REN: variants seen among roughly 807,000 people sequenced by gnomAD.
REN encodes angiotensin-forming enzyme.
REN carries 42 observed loss-of-function variants against 48.6 expected under a neutral mutation model. The ratio of observed to expected loss-of-function variants is 0.86; its 90% CI spans 0.68 to 1.12. The LOEUF is 1.12. Among genes scored for constraint, REN ranks in the 50% most tolerant of loss-of-function variants. The pLI is 0.00. For synonymous variants in REN, 196 were observed against 204.6 expected, an observed-to-expected ratio of 0.96 and a Z score of 0.36; for missense variants, 443 against 527.3, an observed-to-expected ratio of 0.84 and a Z score of 1.57.
rs3795574 is a variant in REN at position 204,156,144 on chromosome 1, C to A, written c.960+34G>T. 0.15 allele frequency: 237,627 copies of A among 1,613,682 alleles called. 20,699 individuals are homozygous for A. Among genetic ancestry groups the A allele is most frequent in the African/African-American group, 0.41 (30,588 of 74,932 alleles). On this transcript the variant is annotated intron_variant, in intron 8 of 9. Transcript: ENST00000272190. This position sits in a 1 kb window ranked among gnomAD's most constrained non-coding sequence, Gnocchi z 4.2. ...GAGCCGATACCAGGTGGCGCTCCCCCCACCCACAGCACCTTCCCTCTTTGG... is the reference window on the plus strand; with the variant it reads ...GAGCCGATACCAGGTGGCGCTCCCCACACCCACAGCACCTTCCCTCTTTGG...
At chr1:204,161,592 TC>T (rs1322898208) in intron 2 of REN, among the ~76,000 whole-genome samples, 177 bp from the exon 3 acceptor site, 1 of 151,914 alleles carries the variant, frequency 6.6e-6, no homozygotes, top group Non-Finnish European at 1.5e-5. Context: ...CCCCATGGCA[TC>T]CCAGAAAGTG....
intron 3 of REN, 33 bp downstream of exon 3, chr1:204,161,259 T>G: frequency 6.4e-7 from 1 of 1,564,428 alleles, no homozygotes; most frequent in Non-Finnish European, 8.7e-7. Flanking sequence ...GGCAGGGGGA[T>G]GGAGGAGAGG....
rs1277536277 is a variant in REN, at chr1:204,155,904, A to G, written c.975T>C (p.Cys325=). The G allele has an allele frequency of 6.2e-7, 1 of 1,613,444 alleles. No individual in the cohort carries two copies. The highest frequency in any genetic ancestry group is 1.7e-5 in the Admixed American group (1 of 59,984). Residue 325 remains cysteine (C), a synonymous_variant, in exon 9 of 10, where the codon TGT becomes TGC. Transcript: ENST00000272190. ...TGTCGGGGAGTGTAGGGCCCTCGTT[A>G]CACTTCACGACATACTGGGGTGGGG... is the stretch of plus-strand genomic sequence containing the variant. ...KKRLFDYVVK[C]NEGPTLPDIS...
chr1:204,160,715 TG>T, intron 3 of REN, 37 bp from the exon 4 acceptor site: 1 of 1,493,732 alleles, frequency 6.7e-7, no homozygotes, highest in Non-Finnish European at 9.3e-7. Context: ...TGTCCAAGAG[TG>T]GCCCAGACAG....
chr1:204,161,744 C>T (rs975263233), intron 2 of REN, among the ~76,000 whole-genome samples: 4 of 152,118 alleles, frequency 2.6e-5, no homozygotes, highest in Admixed American at 1.3e-4. Flanking sequence ...CTGAGTCACA[C>T]ACCCCTTCCC....
Position 204,156,568 on chromosome 1 carries a change from G to T in REN, c.818+109C>A, listed in dbSNP as rs1474842866. ...CAAATGGTGGCTGTGCTTAAGAAGT[G>T]GCTGCATTTGGAAAGAGGGCAGGAT... On this transcript the variant is annotated intron_variant, in intron 7 of 9. Transcript: ENST00000272190. The surrounding 1 kb of genome is among the most constrained non-coding windows in gnomAD (Gnocchi z 4.2). 6.7e-7 allele frequency: 1 copy of T among 1,494,238 alleles called. No individual in the cohort carries two copies. Among genetic ancestry groups the T allele is most frequent in the Non-Finnish European group, 9.3e-7 (1 of 1,074,956 alleles). The allele number at this position is 1,494,238 out of a possible 1,614,324, so 92.6% of individuals were successfully genotyped here.
intron 3 of REN, 92 bp from the exon 4 acceptor site, chr1:204,160,770 T>G: frequency 1.1e-6 from 1 of 901,280 alleles, no homozygotes; most frequent in South Asian, 1.3e-5. Context: ...GCTGGTTAGC[T>G]TAGGTGCAGG....
chr1:204,164,251 A>G lies in REN; in HGVS notation c.98+1945T>C, dbSNP rs552971968. 3.3e-5 allele frequency among the ~76,000 whole-genome samples: 5 copies of G among 152,330 alleles called. No homozygotes were observed. In the East Asian group the frequency reaches 9.6e-4, roughly 29 times the overall value. On this transcript the variant is annotated intron_variant, in intron 1 of 9. Transcript: ENST00000272190. ...AGCAATTACTCTCCGAGAGCCTCAGAGCAAGGGAAAGCAGTTTCGGAAGCA... is the reference window on the plus strand; with the variant it reads ...AGCAATTACTCTCCGAGAGCCTCAGGGCAAGGGAAAGCAGTTTCGGAAGCA...
intron 1 of REN, among the ~76,000 whole-genome samples, chr1:204,163,693 C>T (rs1180880683): frequency 6.6e-6 from 1 of 152,202 alleles, no homozygotes; most frequent in Non-Finnish European, 1.5e-5. Context: ...TTCCCGTGGG[C>T]CTCAGCTCTG....
Position 204,159,563 on chromosome 1 carries a change from T to A in REN, c.525A>T (p.Gly175=). 1 of 1,614,058 alleles carries A rather than the reference T, an allele frequency of 6.2e-7. No homozygotes were observed. Among genetic ancestry groups the A allele is most frequent in the Non-Finnish European group, 8.5e-7 (1 of 1,180,012 alleles). The change falls in exon 5 of 10, where the codon GGA becomes GGT. Residue 175 remains glycine (G), a synonymous_variant. Coordinates refer to ENST00000272190, the MANE Select transcript of REN (RefSeq NM_000537.4). ...VGGITVTQMF[G]EVTEMPALPF... ...GTAAGGCGGGCATCTCCGTGACCTC[T>A]CCAAACATCTGTGTCACCGTGATTC...
chr1:204,160,064 A>C (rs1297835134), intron 4 of REN, among the ~76,000 whole-genome samples: 1 of 152,176 alleles, frequency 6.6e-6, no homozygotes, highest in East Asian at 1.9e-4. Context: ...CCCCTCCCCT[A>C]ACTCTGATGG....
chr1:204,164,599 C>T (rs948440251), intron 1 of REN, among the ~76,000 whole-genome samples: 6 of 105,874 alleles, frequency 5.7e-5, no homozygotes, highest in Admixed American at 4.0e-4. Flanking sequence ...TACATAAGGT[C>T]TGGCTCTATC....
At position 204,157,472 on chromosome 1, in the gene REN, A is replaced by G; in HGVS notation, c.690-103T>C. Reference sequence around the variant, plus strand: ...GTGTTATGTACTCTCTTTGCCCTTCAGGCAATGGAGTCACCAAGAGGCGAA... The same window carrying G: ...GTGTTATGTACTCTCTTTGCCCTTCGGGCAATGGAGTCACCAAGAGGCGAA... On this transcript the variant is annotated intron_variant, in intron 5 of 9. Transcript: ENST00000272190. The G allele has an allele frequency of 4.6e-6, 7 of 1,511,786 alleles. No individual in the cohort carries two copies. The South Asian group carries it at 7.9e-5, about 17-fold the overall frequency. 93.6% of individuals were successfully genotyped at this position (1,511,786 alleles called of 1,614,324 possible).
Position 204,157,487 on chromosome 1 carries a change from C to T in REN, c.690-118G>A, listed in dbSNP as rs1658170660. On this transcript the variant is annotated intron_variant, in intron 5 of 9. Coordinates refer to ENST00000272190, the MANE Select transcript of REN (RefSeq NM_000537.4). ...TTTGCCCTTCAGGCAATGGAGTCACCAAGAGGCGAAGTCACTTGCCTGAAG... is the reference window on the plus strand; with the variant it reads ...TTTGCCCTTCAGGCAATGGAGTCACTAAGAGGCGAAGTCACTTGCCTGAAG... The T allele has an allele frequency of 9.7e-6, 14 of 1,442,078 alleles. No homozygotes were observed. The South Asian group carries it at 1.5e-4, about 15-fold the overall frequency. 89.3% of individuals were successfully genotyped at this position (1,442,078 alleles called of 1,614,324 possible).
At chr1:204,159,644 G>T in intron 4 of REN, 49 bp from the exon 5 acceptor site, 1 of 1,563,536 alleles carries the variant, frequency 6.4e-7, no homozygotes, top group Non-Finnish European at 8.8e-7. Flanking sequence ...CCACTCCTTG[G>T]TTGGAGTCTG....
At chr1:204,159,970 C>A (rs968213954) in intron 4 of REN, among the ~76,000 whole-genome samples, 1 of 152,180 alleles carries the variant, frequency 6.6e-6, no homozygotes, top group African/African-American at 2.4e-5. Flanking sequence ...ACAAGCTTGC[C>A]CTTCTCCCTC....
In REN at chr1:204,155,903, T is replaced by C. The variant is rs758396335; in HGVS notation, c.976A>G (p.Asn326Asp). The change falls in exon 9 of 10, where the codon AAC becomes GAC. Residue 326 changes from asparagine to aspartate, a missense_variant. Transcript: ENST00000272190. ...ATGTCGGGGAGTGTAGGGCCCTCGT[T>C]ACACTTCACGACATACTGGGGTGGG... ...KRLFDYVVKCNEGPTLPDISF... is the reference protein window; with the variant it reads ...KRLFDYVVKCDEGPTLPDISF... 1 of 1,613,730 alleles carries C rather than the reference T, an allele frequency of 6.2e-7. No individual in the cohort carries two copies. The highest frequency in any genetic ancestry group is 8.5e-7 in the Non-Finnish European group (1 of 1,179,848).
At position 204,159,425 on chromosome 1, in the gene REN, C is replaced by T. The variant is rs34069565; in HGVS notation, c.663G>A (p.Glu221=). The T allele has an allele frequency of 7.2e-4, 1,162 of 1,614,106 alleles. 2 individuals carry two copies. The highest frequency in any genetic ancestry group is 9.1e-4 in the Non-Finnish European group (1,068 of 1,180,024). The change falls in exon 5 of 10, where the codon GAG becomes GAA. Residue 221 remains glutamate, a synonymous_variant. Coordinates refer to ENST00000272190, the MANE Select transcript of REN (RefSeq NM_000537.4). ...TGTTGTAGTAGAAAGAGAAGACGTC[C>T]TCTTTTAGCACCCCTTGGGAGATGA... ...DNIISQGVLK[E]DVFSFYYNRD...
chr1:204,156,092 A>G lies in REN; in HGVS notation c.960+86T>C. ...TGAGGTGAACAAGCGAAGGCCTGAG[A>G]TGGCCTCATTTGCCTGGGGGATTTG... On this transcript the variant is annotated intron_variant, in intron 8 of 9. Coordinates refer to ENST00000272190, the MANE Select transcript of REN (RefSeq NM_000537.4). The surrounding 1 kb of genome is among the most constrained non-coding windows in gnomAD (Gnocchi z 4.2). The G allele has an allele frequency of 6.3e-7, 1 of 1,589,256 alleles. No homozygotes were observed. Among genetic ancestry groups the G allele is most frequent in the Non-Finnish European group, 8.6e-7 (1 of 1,158,826 alleles).
Sources: allele counts gnomAD v4.1 joint callset (sites outside exome capture counted in the v4.1 genomes callset), GRCh38; gene constraint gnomAD v4.1.1; non-coding constraint Gnocchi (gnomAD v3.1); transcripts MANE v1.5; gene names NCBI Gene and HGNC (gene_info 2026-07-23, HGNC 2026-07-21).